The following SPOCK1 variants were observed in gnomAD, a reference collection of about 807,000 sequenced individuals.
The protein encoded by SPOCK1 is testican-1.
Under a neutral mutation model 55.3 loss-of-function variants are expected in SPOCK1, and 23 were observed. That is an observed-to-expected ratio of 0.42 (90% confidence interval 0.30 to 0.59). The LOEUF is 0.59. SPOCK1 is among the 20% of genes least tolerant of loss of function. The pLI, the probability that SPOCK1 is intolerant of heterozygous loss-of-function variation, is 0.22. For synonymous variants in SPOCK1, 226 were observed against 221.0 expected, an observed-to-expected ratio of 1.02 and a Z score of -0.20; for missense variants, 499 against 552.5, an observed-to-expected ratio of 0.90 and a Z score of 0.97.
intron 3 of SPOCK1, among the ~76,000 whole-genome samples, chr5:137,205,923 A>G (rs963694895): frequency 6.6e-6 from 1 of 152,180 alleles, no homozygotes; most frequent in African/African-American, 2.4e-5. Context: ...CATTGCCACC[A>G]CTGAACGGAT....
At position 136,978,443 on chromosome 5, in the gene SPOCK1, C is replaced by CAAA. The variant is rs11377127; in HGVS notation, c.*208_*210dup. The CAAA allele has an allele frequency of 8.9e-4, 340 of 381,330 alleles. No individual in the cohort carries two copies. Among genetic ancestry groups the CAAA allele is most frequent in the African/African-American group, 1.4e-3 (64 of 47,208 alleles). The allele number at this position is 381,330 out of a possible 1,614,324, so 23.6% of individuals were successfully genotyped here. A position where few individuals can be genotyped will look rare whatever the true frequency, so the allele number is the denominator to read the frequency against. On this transcript the variant is annotated 3_prime_UTR_variant, in exon 11 of 11. Coordinates refer to ENST00000394945, the MANE Select transcript of SPOCK1 (RefSeq NM_004598.4). ...TCCCTATCCAAAAAATAAACAACAACAAAAAAAAAACACAACACCCTTTCT... is the reference window on the plus strand; with the variant it reads ...TCCCTATCCAAAAAATAAACAACAACAAAAAAAAAAAAACACAACACCCTTTCT...
At chr5:137,002,051 AT>A (rs1006764916) in intron 6 of SPOCK1, among the ~76,000 whole-genome samples, 1 of 152,206 alleles carries the variant, frequency 6.6e-6, no homozygotes, top group Non-Finnish European at 1.5e-5. Context: ...AGAATGCGTC[AT>A]TTTATGTAAA....
At chr5:137,458,264 A>T (rs551255532) in intron 2 of SPOCK1, among the ~76,000 whole-genome samples, 2 of 152,316 alleles carry the variant, frequency 1.3e-5, no homozygotes, top group South Asian at 2.1e-4. Context: ...TTTGCTCATC[A>T]TTTCCAAACC....
intron 3 of SPOCK1, among the ~76,000 whole-genome samples, chr5:137,170,587 TTCTCTCTCTCTCTCTCTC>T (rs56347412): frequency 7.0e-6 from 1 of 142,486 alleles, no homozygotes; most frequent in Non-Finnish European, 1.5e-5. Flanking sequence ...AGCCTGTTAT[TTCTCTCTCTCTCTCTCTC>T]TCTCTCTCTC....
At chr5:137,332,874 A>G (rs1024070698) in intron 2 of SPOCK1, among the ~76,000 whole-genome samples, 2 of 152,244 alleles carry the variant, frequency 1.3e-5, no homozygotes, top group Non-Finnish European at 2.9e-5. Context: ...CAAAGTGAGT[A>G]TCACAAATAA....
chr5:137,436,579 A>G (rs1170542242), intron 2 of SPOCK1, among the ~76,000 whole-genome samples: 1 of 152,172 alleles, frequency 6.6e-6, no homozygotes, highest in African/African-American at 2.4e-5. Context: ...TTTTTTGGCA[A>G]TTCCAGCTAG....
chr5:137,148,803 C>G (rs931716148), intron 3 of SPOCK1, among the ~76,000 whole-genome samples: 2 of 152,116 alleles, frequency 1.3e-5, no homozygotes, highest in Non-Finnish European at 2.9e-5. Flanking sequence ...AGCCAGTGAG[C>G]CTGGATTTTA....
At chr5:136,981,489 C>T (rs1333193333) in intron 9 of SPOCK1, among the ~76,000 whole-genome samples, 1 of 152,202 alleles carries the variant, frequency 6.6e-6, no homozygotes, top group Non-Finnish European at 1.5e-5. Context: ...CACTTAGTTG[C>T]TTCCCATGTA....
At chr5:137,356,391 G>A (rs1242491564) in intron 2 of SPOCK1, among the ~76,000 whole-genome samples, 1 of 152,100 alleles carries the variant, frequency 6.6e-6, no homozygotes, top group Non-Finnish European at 1.5e-5. Context: ...AAATCTAAAA[G>A]GGAAGTGGGC....
intron 3 of SPOCK1, among the ~76,000 whole-genome samples, chr5:137,215,593 T>C (rs1360277324): frequency 6.6e-6 from 1 of 152,188 alleles, no homozygotes; most frequent in African/African-American, 2.4e-5. Flanking sequence ...GAATTCCAAA[T>C]GTGTATGAGT....
At chr5:137,169,436 T>A (rs1164971500) in intron 3 of SPOCK1, among the ~76,000 whole-genome samples, 4 of 152,120 alleles carry the variant, frequency 2.6e-5, no homozygotes, top group African/African-American at 9.7e-5. Context: ...AAATATCTCA[T>A]GTACCCAACA....
At chr5:137,158,879 C>A (rs1040791972) in intron 3 of SPOCK1, among the ~76,000 whole-genome samples, 1 of 152,200 alleles carries the variant, frequency 6.6e-6, no homozygotes, top group East Asian at 1.9e-4. Flanking sequence ...AAAGAGATGG[C>A]AAATTGCCAA....
intron 6 of SPOCK1, among the ~76,000 whole-genome samples, chr5:136,993,905 A>C (rs1214423958): frequency 6.6e-6 from 1 of 152,170 alleles, no homozygotes; most frequent in Non-Finnish European, 1.5e-5. Context: ...CCTGCCTTGC[A>C]AAAGACTAGG....
chr5:137,399,332 T>C (rs576839977), intron 2 of SPOCK1, among the ~76,000 whole-genome samples: 6 of 152,200 alleles, frequency 3.9e-5, no homozygotes, highest in Non-Finnish European at 8.8e-5. Flanking sequence ...GCACAGCTTC[T>C]TCACTACTGG....
intron 5 of SPOCK1, among the ~76,000 whole-genome samples, chr5:137,073,066 A>G (rs1752648792): frequency 6.6e-6 from 1 of 152,220 alleles, no homozygotes; most frequent in African/African-American, 2.4e-5. Flanking sequence ...GGAAGAAGCT[A>G]TGCACAGAAA....
At chr5:137,097,621 C>T (rs556970239) in intron 5 of SPOCK1, among the ~76,000 whole-genome samples, 2 of 152,154 alleles carry the variant, frequency 1.3e-5, no homozygotes, top group Non-Finnish European at 2.9e-5. Flanking sequence ...AAAACATTCC[C>T]CCTTGCAATG....
At chr5:137,325,957 C>T (rs1758068782) in intron 2 of SPOCK1, among the ~76,000 whole-genome samples, 1 of 152,310 alleles carries the variant, frequency 6.6e-6, no homozygotes, top group East Asian at 1.9e-4. Context: ...TGATTGATAT[C>T]AACAGGTCAA....
chr5:137,175,458 C>A (rs1051272517), intron 3 of SPOCK1, among the ~76,000 whole-genome samples: 3 of 152,180 alleles, frequency 2.0e-5, no homozygotes, highest in Non-Finnish European at 4.4e-5. Context: ...GGGAATGGTA[C>A]AGTAGGAGAC....
At chr5:137,359,559 C>A (rs964906436) in intron 2 of SPOCK1, among the ~76,000 whole-genome samples, 1 of 152,156 alleles carries the variant, frequency 6.6e-6, no homozygotes, top group Non-Finnish European at 1.5e-5. Context: ...AACAGCCAAC[C>A]CTGCAGGATA....
Sources: gnomAD v4.1 joint callset for allele counts (sites outside exome capture counted in the v4.1 genomes callset) on GRCh38, gnomAD v4.1.1 for gene constraint, MANE v1.5 for transcripts, NCBI Gene and HGNC (gene_info 2026-07-23, HGNC 2026-07-21) for gene names.